Variants in DTL observed in about 807,000 individuals in gnomAD.
DTL encodes denticleless E3 ubiquitin protein ligase adapter, also known as denticleless protein homolog.
DTL carries 46 observed loss-of-function variants against 87.0 expected under a neutral mutation model. The ratio of observed to expected loss-of-function variants is 0.53; its 90% CI spans 0.42 to 0.68. The LOEUF (loss-of-function observed/expected upper bound fraction) is 0.68. DTL is among the 30% of genes least tolerant of loss of function. The pLI, the probability that DTL is intolerant of heterozygous loss-of-function variation, is 0.00. For synonymous variants in DTL, 308 were observed against 311.2 expected, an observed-to-expected ratio of 0.99 and a Z score of 0.11; for missense variants, 737 against 869.4, an observed-to-expected ratio of 0.85 and a Z score of 1.91.
At chr1:212,076,039 G>C (rs1254213991) in intron 11 of DTL, among the ~76,000 whole-genome samples, 1 of 152,138 alleles carries the variant, frequency 6.6e-6, no homozygotes, top group Non-Finnish European at 1.5e-5. Flanking sequence ...GCATGTGTCA[G>C]TACTTACTCC....
intron 9 of DTL, 48 bp downstream of exon 9, chr1:212,068,375 A>T (rs1309831026): frequency 2.9e-6 from 3 of 1,046,852 alleles, no homozygotes; most frequent in Non-Finnish European, 4.1e-6. Context: ...TTTTGTTTAA[A>T]AAAAAAAAAA....
At chr1:212,090,765 G>A (rs189634365) in intron 13 of DTL, among the ~76,000 whole-genome samples, 1 of 152,304 alleles carries the variant, frequency 6.6e-6, no homozygotes, top group East Asian at 1.9e-4. Flanking sequence ...AAAATAAAGT[G>A]GGAAGCCATG....
chr1:212,079,808 G>A (rs1019054896), intron 12 of DTL, among the ~76,000 whole-genome samples: 2 of 152,140 alleles, frequency 1.3e-5, no homozygotes, highest in African/African-American at 4.8e-5. Context: ...TCCCAGTAAG[G>A]AAAGGAAAAA....
chr1:212,060,133 A>G (rs1343540806), intron 5 of DTL, among the ~76,000 whole-genome samples: 5 of 152,218 alleles, frequency 3.3e-5, no homozygotes, highest in African/African-American at 4.8e-5. Context: ...ATCCCCATCA[A>G]AATACCAACA....
intron 5 of DTL, among the ~76,000 whole-genome samples, chr1:212,048,112 T>C (rs1192269614): frequency 1.3e-5 from 2 of 152,258 alleles, no homozygotes; most frequent in East Asian, 3.8e-4. Context: ...AAATGAGCTA[T>C]AAGGCTGATA....
intron 10 of DTL, among the ~76,000 whole-genome samples, chr1:212,070,503 G>A (rs908364982): frequency 2.0e-5 from 3 of 152,026 alleles, no homozygotes; most frequent in Non-Finnish European, 4.4e-5. Context: ...CCTGCTACTT[G>A]GAAGGCTGAG....
At position 212,100,731 on chromosome 1, in the gene DTL, G is replaced by C. The variant is rs757185337; in HGVS notation, c.1741G>C (p.Val581Leu). 11 of 1,614,050 alleles carry C rather than the reference G, an allele frequency of 6.8e-6. 1 individual carries two copies. The East Asian group carries it at 2.2e-4, about 33-fold the overall frequency. The change falls in exon 14 of 15, where the codon GTT becomes CTT. Residue 581 changes from valine (V) to leucine (L), a missense_variant. Transcript: ENST00000366991. ...CNCVTELDGQ[V>L]ENLHLDLCCL... ...CTGTGTGACTGAGCTTGATGGCCAAGTTGAAAATCTTCATTTGGATCTGTG... is the reference window on the plus strand; with the variant it reads ...CTGTGTGACTGAGCTTGATGGCCAACTTGAAAATCTTCATTTGGATCTGTG...
chr1:212,036,819 G>C (rs1036709641), intron 1 of DTL, among the ~76,000 whole-genome samples: 3 of 152,180 alleles, frequency 2.0e-5, no homozygotes, highest in African/African-American at 7.2e-5. Flanking sequence ...TCATGTGAAG[G>C]TCGACTATAG....
intron 5 of DTL, among the ~76,000 whole-genome samples, chr1:212,057,650 T>C (rs1013133492): frequency 6.6e-6 from 1 of 151,832 alleles, no homozygotes; most frequent in African/African-American, 2.4e-5. Flanking sequence ...ACCATAATGA[T>C]AAAAAGTACC....
chr1:212,052,643 CA>C (rs58890704), intron 5 of DTL, among the ~76,000 whole-genome samples: 64 of 115,630 alleles, frequency 5.5e-4, no homozygotes, highest in East Asian at 1.0e-3. Context: ...GACTCTGCCT[CA>C]AAAAAAAAAA....
intron 6 of DTL, among the ~76,000 whole-genome samples, chr1:212,063,703 T>C (rs898266789): frequency 1.3e-5 from 2 of 152,218 alleles, no homozygotes; most frequent in African/African-American, 4.8e-5. Flanking sequence ...TTAAAATTTT[T>C]TTTTGTGTCT....
intron 5 of DTL, among the ~76,000 whole-genome samples, chr1:212,054,090 A>C (rs557602003): frequency 1.3e-5 from 2 of 152,206 alleles, no homozygotes; most frequent in African/African-American, 4.8e-5. Context: ...TCACACCTAC[A>C]GGAGGGCAGT....
Position 212,100,866 on chromosome 1 carries a change from A to T in DTL, c.1876A>T (p.Ser626Cys). ...TATCTCAGAGCCTCCGTCTCCTATC[A>T]GTCCGTATGCTTCAGAAAGCTGTGG... Reference protein sequence around the residue: ...TSISEPPSPISPYASESCGTL... With the variant: ...TSISEPPSPICPYASESCGTL... Residue 626 changes from serine (S) to cysteine (C), a missense_variant, in exon 14 of 15, where the codon AGT (serine) becomes TGT (cysteine). Transcript: ENST00000366991. 6.2e-7 allele frequency: 1 copy of T among 1,614,148 alleles called. No individual in the cohort carries two copies.
Position 212,080,758 on chromosome 1 carries a change from T to A in DTL, c.1261+8T>A. The A allele has an allele frequency of 1.2e-6, 2 of 1,612,242 alleles. No homozygotes were observed. ...AGTCAAGACCTGGCCTAGGTAAGGA[T>A]ATCATATACTTTCCAAGTTTTTTAT... On this transcript the variant is annotated splice_region_variant and intron_variant, in intron 13 of 14. Coordinates refer to ENST00000366991, the MANE Select transcript of DTL (RefSeq NM_016448.4).
chr1:212,048,104 A>T (rs557572130), intron 5 of DTL, among the ~76,000 whole-genome samples: 2 of 152,222 alleles, frequency 1.3e-5, no homozygotes, highest in Non-Finnish European at 2.9e-5. Context: ...TAAAATCTAA[A>T]TGAGCTATAA....
chr1:212,081,092 A>G (rs1373277785), intron 13 of DTL, among the ~76,000 whole-genome samples: 1 of 152,180 alleles, frequency 6.6e-6, no homozygotes, highest in Non-Finnish European at 1.5e-5. Flanking sequence ...AATAAACAAG[A>G]TAAAAAAGTA....
At chr1:212,060,946 CTT>C (rs201439889) in intron 5 of DTL, among the ~76,000 whole-genome samples, 10,578 of 152,114 alleles carry the variant, frequency 0.07, 463 homozygotes, top group Admixed American at 0.14. Context: ...CATGCCAAAA[CTT>C]TTTGAATGGG....
chr1:212,045,655 G>A (rs1239956077), intron 3 of DTL, among the ~76,000 whole-genome samples: 1 of 152,180 alleles, frequency 6.6e-6, no homozygotes, highest in Non-Finnish European at 1.5e-5. Flanking sequence ...ACGAAGCATG[G>A]GGCATTTGAG....
intron 11 of DTL, among the ~76,000 whole-genome samples, chr1:212,076,245 T>G (rs1025166618): frequency 5.3e-5 from 8 of 152,166 alleles, no homozygotes; most frequent in African/African-American, 1.9e-4. Flanking sequence ...TTCCTAAGAA[T>G]AGAATTGCTG....
Sources: allele counts gnomAD v4.1 joint callset (sites outside exome capture counted in the v4.1 genomes callset), GRCh38; gene constraint gnomAD v4.1.1; transcripts MANE v1.5; gene names NCBI Gene and HGNC (gene_info 2026-07-23, HGNC 2026-07-21).